Variants in KCNH1 observed in about 807,000 individuals in gnomAD.
KCNH1 encodes voltage-gated delayed rectifier potassium channel KCNH1.
A neutral mutation model predicts 69.2 loss-of-function variants in KCNH1; 27 were observed. The observed-to-expected ratio is 0.39, with a 90% CI of 0.29 to 0.54. The LOEUF is 0.54. Among genes scored for constraint, KCNH1 ranks in the 20% least tolerant of loss-of-function variants. The pLI is 0.68. For missense variants in KCNH1, 798 were observed against 1,261.6 expected (o/e 0.63, Z 5.57); for synonymous variants, 456 against 487.7 (o/e 0.93, Z 0.86).
intron 10 of KCNH1, among the ~76,000 whole-genome samples, chr1:210,717,227 A>G (rs561485199): frequency 6.6e-6 from 1 of 152,288 alleles, no homozygotes; most frequent in Admixed American, 6.5e-5. Flanking sequence ...GGCAACAGAG[A>G]GGAGATCCCA....
chr1:211,036,011 C>A (rs1689890478), intron 5 of KCNH1, among the ~76,000 whole-genome samples: 1 of 152,190 alleles, frequency 6.6e-6, no homozygotes, highest in African/African-American at 2.4e-5. Context: ...CCACTGCTTG[C>A]CGCACATAAA....
chr1:210,919,671 C>A lies in KCNH1; in HGVS notation c.1431G>T (p.Lys477Asn). 1 of 1,614,120 alleles carries A rather than the reference C, an allele frequency of 6.2e-7. No homozygotes were observed. Among genetic ancestry groups the A allele is most frequent in the Non-Finnish European group, 8.5e-7 (1 of 1,179,980 alleles). Residue 477 changes from lysine (K) to asparagine (N), a missense_variant, in exon 7 of 11, where the codon AAG (lysine) becomes AAT (asparagine). Transcript: ENST00000271751. The surrounding 1 kb of genome is among the most constrained non-coding windows in gnomAD (Gnocchi z 4.2). ...GNIAPSTDIE[K>N]IFAVAIMMIG... The stretch of plus-strand genomic sequence containing the variant: ...TCATCATGATGGCCACTGCAAAGAT[C>A]TTCTCAATGTCTGTGGATGGGGCGA...
At chr1:210,873,397 G>C (rs1686292825) in intron 7 of KCNH1, among the ~76,000 whole-genome samples, 1 of 152,042 alleles carries the variant, frequency 6.6e-6, no homozygotes. Context: ...GTCCAGGCTG[G>C]CGTTCAGTAG....
chr1:210,862,901 C>T (rs979552407), intron 7 of KCNH1, among the ~76,000 whole-genome samples: 4 of 152,132 alleles, frequency 2.6e-5, no homozygotes, highest in Admixed American at 6.5e-5. Context: ...TAGGAGTGTC[C>T]CCTTCTTCCC....
rs373953148 is a variant in KCNH1, at chr1:210,840,294, AT to A, written c.1463-36129del. ...ATCTAAAACAAAACAAAACAAAAAA[AT>A]AAAACGAAAAAAAACAAAACCAGCA... On this transcript the variant is annotated intron_variant, in intron 7 of 10. Transcript: ENST00000271751. Among the ~76,000 whole-genome samples, 61 of 152,320 alleles carry A rather than the reference AT, an allele frequency of 4.0e-4. No individual in the cohort carries two copies. In the South Asian group the frequency reaches 0.011, roughly 27 times the overall value.
chr1:210,768,361 T>G (rs1004901410), intron 10 of KCNH1, among the ~76,000 whole-genome samples: 2 of 152,174 alleles, frequency 1.3e-5, no homozygotes, highest in Admixed American at 6.5e-5. Context: ...GGCCAGGATT[T>G]GAACTCAAAT....
intron 10 of KCNH1, among the ~76,000 whole-genome samples, chr1:210,693,561 G>A (rs1681570569): frequency 6.6e-6 from 1 of 152,116 alleles, no homozygotes; most frequent in Non-Finnish European, 1.5e-5. Flanking sequence ...ACACAACATG[G>A]CCCACTTCTA....
intron 5 of KCNH1, among the ~76,000 whole-genome samples, chr1:211,080,458 G>C (rs60036271): frequency 0.026 from 3,895 of 152,134 alleles, 175 homozygotes; most frequent in African/African-American, 0.089. Flanking sequence ...CACAGAATTG[G>C]AAAAAACTAC....
chr1:210,908,359 T>C (rs181766613), intron 7 of KCNH1, among the ~76,000 whole-genome samples: 11 of 152,290 alleles, frequency 7.2e-5, no homozygotes, highest in Admixed American at 3.9e-4. Flanking sequence ...TCCCTTCCAC[T>C]TGTTAAGGTG....
At chr1:211,041,797 G>A (rs530460531) in intron 5 of KCNH1, among the ~76,000 whole-genome samples, 1 of 152,126 alleles carries the variant, frequency 6.6e-6, no homozygotes, top group South Asian at 2.1e-4. Context: ...CTCTGTGGCC[G>A]AGGCTGGAGT....
chr1:210,702,160 A>C (rs1049760353), intron 10 of KCNH1, among the ~76,000 whole-genome samples: 2 of 152,210 alleles, frequency 1.3e-5, no homozygotes, highest in Non-Finnish European at 2.9e-5. Flanking sequence ...GGAAGATTTA[A>C]AGATTTTTTC....
intron 7 of KCNH1, among the ~76,000 whole-genome samples, chr1:210,824,016 G>A (rs1684986729): frequency 6.6e-6 from 1 of 151,950 alleles, no homozygotes; most frequent in Non-Finnish European, 1.5e-5. Flanking sequence ...GCTCAGTCTG[G>A]TCTTGAACTC....
chr1:210,936,423 C>T lies in KCNH1; in HGVS notation c.1033-16354G>A, dbSNP rs572260909. Among the ~76,000 whole-genome samples the T allele has an allele frequency of 5.3e-5, 8 of 152,272 alleles. No homozygotes were observed. The South Asian group carries it at 1.7e-3, about 32-fold the overall frequency. On this transcript the variant is annotated intron_variant, in intron 6 of 10. Transcript: ENST00000271751. ...CTTTTTCCCTCTTCTCCCTTACATC[C>T]TGGAGTTAATAGTAGAGACTTTTCA...
intron 6 of KCNH1, among the ~76,000 whole-genome samples, chr1:210,952,357 C>A (rs1171211713): frequency 6.6e-6 from 1 of 152,146 alleles, no homozygotes; most frequent in Non-Finnish European, 1.5e-5. Flanking sequence ...CTTCCTTCCC[C>A]ATAAAGCCTC....
At chr1:210,986,794 G>C (rs567975032) in intron 6 of KCNH1, among the ~76,000 whole-genome samples, 1 of 152,094 alleles carries the variant, frequency 6.6e-6, no homozygotes, top group Admixed American at 6.5e-5. Flanking sequence ...GTATCTTTGC[G>C]GTGTTCTCTG....
At chr1:211,095,235 A>G (rs1479170646) in intron 3 of KCNH1, among the ~76,000 whole-genome samples, 1 of 152,218 alleles carries the variant, frequency 6.6e-6, no homozygotes, top group Non-Finnish European at 1.5e-5. Flanking sequence ...AAACTGAGAA[A>G]AGTAAGCATT....
chr1:210,860,871 G>T, intron 7 of KCNH1: 1 of 920,534 alleles, frequency 1.1e-6, no homozygotes, highest in Non-Finnish European at 1.8e-6. Context: ...CTCTCATGTA[G>T]CCTAGTTCAC....
At chr1:210,998,551 A>G (rs906099828) in intron 6 of KCNH1, among the ~76,000 whole-genome samples, 11 of 152,220 alleles carry the variant, frequency 7.2e-5, no homozygotes, top group African/African-American at 2.7e-4. Flanking sequence ...AGACTCCCAC[A>G]CGATAATAGT....
In KCNH1 at chr1:210,797,617, A is replaced by G. The variant is rs765887739; in HGVS notation, c.1806T>C (p.Cys602=). Residue 602 remains cysteine, a synonymous_variant, in exon 9 of 11, where the codon TGT becomes TGC. Transcript: ENST00000271751. Reference sequence around the variant, plus strand: ...CATGGTAGATGAGGTCCCCTGGGGCACAGTGCACCGTCTGGAACTCCATGG... The same window carrying G: ...CATGGTAGATGAGGTCCCCTGGGGCGCAGTGCACCGTCTGGAACTCCATGG... The part of the protein sequence containing the change: ...ALAMEFQTVH[C]APGDLIYHAG... 3.1e-6 allele frequency: 5 copies of G among 1,614,134 alleles called. No homozygotes were observed. In the East Asian group the frequency reaches 1.1e-4, roughly 36 times the overall value.
Sources: allele counts gnomAD v4.1 joint callset (sites outside exome capture counted in the v4.1 genomes callset), GRCh38; gene constraint gnomAD v4.1.1; non-coding constraint Gnocchi (gnomAD v3.1); transcripts MANE v1.5; gene names NCBI Gene and HGNC (gene_info 2026-07-23, HGNC 2026-07-21).